NBEA: variants seen among roughly 807,000 people sequenced by gnomAD.
The protein encoded by NBEA is lysosomal-trafficking regulator 2.
A neutral mutation model predicts 343.4 loss-of-function variants in NBEA; 44 were observed. That is an observed-to-expected ratio of 0.13 (90% CI 0.10 to 0.16). The LOEUF (loss-of-function observed/expected upper bound fraction) is 0.16, where lower values mean the gene tolerates loss of function less well. NBEA is among the 10% of genes least tolerant of loss of function. The pLI is 1.00. For missense variants in NBEA, 2,555 were observed against 3,631.3 expected, an observed-to-expected ratio of 0.70 and a Z score of 7.62; for synonymous variants, 1,175 against 1,238.7, an observed-to-expected ratio of 0.95 and a Z score of 1.08.
intron 17 of NBEA, among the ~76,000 whole-genome samples, chr13:35,129,375 A>C (rs1027113880): frequency 5.3e-5 from 8 of 152,192 alleles, no homozygotes; most frequent in African/African-American, 1.7e-4. Flanking sequence ...TCCAGAAATG[A>C]AAATCAAGCA....
At chr13:35,475,955 G>T (rs146905585) in intron 41 of NBEA, 16 of 1,614,070 alleles carry the variant, frequency 9.9e-6, no homozygotes, top group Middle Eastern at 1.6e-4. Context: ...CCCTCGTAGC[G>T]ATTGTCCATC....
intron 46 of NBEA, 93 bp downstream of exon 46, chr13:35,584,131 A>C: frequency 8.2e-7 from 1 of 1,212,850 alleles, no homozygotes; most frequent in Non-Finnish European, 1.2e-6. Context: ...TAATTTGATT[A>C]ACAAAGATTA....
intron 1 of NBEA, among the ~76,000 whole-genome samples, chr13:35,025,173 G>A (rs962585985): frequency 1.3e-5 from 2 of 152,142 alleles, no homozygotes; most frequent in African/African-American, 4.8e-5. Context: ...AAGCTCTTTA[G>A]TTTAATTAAG....
Position 35,641,639 on chromosome 13 carries a change from A to G in NBEA, c.7618-4230A>G, listed in dbSNP as rs147166495. On this transcript the variant is annotated intron_variant, in intron 49 of 58. Transcript: ENST00000379939. Reference sequence around the variant, plus strand: ...TAAAAAATAATTGATGATAAACATCAGAATAATTATTAGCTTGACAGGGTG... The same window carrying G: ...TAAAAAATAATTGATGATAAACATCGGAATAATTATTAGCTTGACAGGGTG... Among the ~76,000 whole-genome samples the G allele has an allele frequency of 3.6e-3, 548 of 152,302 alleles. 1 individual carries two copies. The highest frequency in any genetic ancestry group is 0.013 in the African/African-American group (521 of 41,562).
intron 36 of NBEA, among the ~76,000 whole-genome samples, chr13:35,345,444 A>G (rs1011058668): frequency 3.3e-5 from 5 of 152,078 alleles, no homozygotes; most frequent in African/African-American, 9.6e-5. Flanking sequence ...ATTTACATAT[A>G]CTATTATTTT....
intron 6 of NBEA, among the ~76,000 whole-genome samples, 153 bp downstream of exon 6, chr13:35,050,548 T>C (rs1156466063): frequency 3.3e-5 from 5 of 151,936 alleles, no homozygotes; most frequent in African/African-American, 1.2e-4. Flanking sequence ...TACTTTTATG[T>C]CTAATTTTTG....
intron 39 of NBEA, among the ~76,000 whole-genome samples, chr13:35,451,855 G>C (rs1157650200): frequency 6.6e-6 from 1 of 152,154 alleles, no homozygotes; most frequent in Non-Finnish European, 1.5e-5. Flanking sequence ...CAAAATGCAT[G>C]TAGCTTCCTC....
intron 38 of NBEA, among the ~76,000 whole-genome samples, chr13:35,355,606 G>T (rs1442875370): frequency 6.6e-6 from 1 of 152,056 alleles, no homozygotes; most frequent in East Asian, 1.9e-4. Context: ...GGGAAAATAA[G>T]ATCTCATAGT....
Position 35,555,114 on chromosome 13 carries a change from C to T in NBEA, c.6922+12C>T. 1 of 1,383,414 alleles carries T rather than the reference C, an allele frequency of 7.2e-7. No homozygotes were observed. The highest frequency in any genetic ancestry group is 1.0e-6 in the Non-Finnish European group (1 of 978,348). The allele number at this position is 1,383,414 out of a possible 1,614,324, so 85.7% of individuals were successfully genotyped here. On this transcript the variant is annotated intron_variant, in intron 44 of 58. Coordinates refer to ENST00000379939, the MANE Select transcript of NBEA (RefSeq NM_001385012.1). Reference sequence around the variant, plus strand: ...TAATACTATTGCAGGTAAGATGTCTCATTCTTTAATCTAATAATATGTTTA... The same window carrying T: ...TAATACTATTGCAGGTAAGATGTCTTATTCTTTAATCTAATAATATGTTTA...
In NBEA at chr13:34,942,818, C is replaced by T. The variant is rs778055824; in HGVS notation, c.-3C>T. On this transcript the variant is annotated 5_prime_UTR_variant, in exon 1 of 59. Transcript: ENST00000379939. ...TCTTCCCTTCTCCTCAGGAGGGGGG[C>T]CAATGGCTAGCGAGAAGCCGGGCCC... 7.4e-7 allele frequency: 1 copy of T among 1,359,750 alleles called. No homozygotes were observed. Among genetic ancestry groups the T allele is most frequent in the Non-Finnish European group, 9.5e-7 (1 of 1,055,750 alleles). The allele number at this position is 1,359,750 out of a possible 1,614,324, so 84.2% of individuals were successfully genotyped here. A position where few individuals can be genotyped will look rare whatever the true frequency, so the allele number is the denominator to read the frequency against.
chr13:35,123,451 GT>G, intron 16 of NBEA, 30 bp from the exon 17 acceptor site: 2 of 1,314,232 alleles, frequency 1.5e-6, no homozygotes, highest in South Asian at 1.8e-5. Flanking sequence ...ATATTAGTAA[GT>G]TTTTAAAAGA....
At chr13:35,155,406 C>A (rs963907225) in intron 18 of NBEA, among the ~76,000 whole-genome samples, 2 of 151,986 alleles carry the variant, frequency 1.3e-5, no homozygotes, top group African/African-American at 2.4e-5. Flanking sequence ...GGTGGATCAT[C>A]TGAGGTCAGG....
intron 41 of NBEA, among the ~76,000 whole-genome samples, chr13:35,526,041 T>C (rs1313784661): frequency 6.6e-6 from 1 of 152,204 alleles, no homozygotes; most frequent in Non-Finnish European, 1.5e-5. Context: ...TTTTGTGACC[T>C]TGATGAAATA....
intron 16 of NBEA, 114 bp from the exon 17 acceptor site, chr13:35,123,368 G>T (rs1230768996): frequency 5.6e-6 from 3 of 533,352 alleles, no homozygotes; most frequent in Non-Finnish European, 9.0e-6. Flanking sequence ...ATCCTGAGAA[G>T]AAAATCTTCA....
chr13:35,118,838 G>T (rs148750150), intron 16 of NBEA, among the ~76,000 whole-genome samples: 1 of 151,732 alleles, frequency 6.6e-6, no homozygotes, highest in Non-Finnish European at 1.5e-5. Flanking sequence ...GATTTGGAAG[G>T]TTCATAGAAT....
At chr13:35,485,840 T>C (rs920260763) in intron 41 of NBEA, among the ~76,000 whole-genome samples, 1 of 152,124 alleles carries the variant, frequency 6.6e-6, no homozygotes, top group African/African-American at 2.4e-5. Context: ...TAATATCAAA[T>C]AATGCTTTTA....
chr13:35,468,127 C>T (rs1405390944), intron 40 of NBEA, among the ~76,000 whole-genome samples: 2 of 146,738 alleles, frequency 1.4e-5, no homozygotes, highest in Non-Finnish European at 3.0e-5. Context: ...CCACTCCCCT[C>T]CCCTGAAAAT....
At chr13:35,003,516 A>G (rs529808866) in intron 1 of NBEA, among the ~76,000 whole-genome samples, 1 of 152,310 alleles carries the variant, frequency 6.6e-6, no homozygotes, top group Non-Finnish European at 1.5e-5. Flanking sequence ...TGTCTCCCCA[A>G]AGATACTAGG....
At chr13:35,543,706 C>T (rs1053604317) in intron 41 of NBEA, among the ~76,000 whole-genome samples, 1 of 151,948 alleles carries the variant, frequency 6.6e-6, no homozygotes, top group African/African-American at 2.4e-5. Flanking sequence ...TGTGTTTTTC[C>T]CATCTCCTTT....
Sources: allele counts gnomAD v4.1 joint callset (sites outside exome capture counted in the v4.1 genomes callset), GRCh38; gene constraint gnomAD v4.1.1; transcripts MANE v1.5; gene names NCBI Gene and HGNC (gene_info 2026-07-23, HGNC 2026-07-21).